The following MMP16 variants were observed in gnomAD, a reference collection of about 807,000 sequenced individuals.
MMP16 encodes the protein matrix metallopeptidase 16, also known as matrix metalloproteinase-16.
A neutral mutation model predicts 67.8 loss-of-function variants in MMP16; 12 were observed. The ratio of observed to expected loss-of-function variants is 0.18; its 90% CI spans 0.11 to 0.29. The LOEUF (loss-of-function observed/expected upper bound fraction) is 0.29. Ranked by LOEUF, MMP16 falls within the 10% of genes least tolerant of loss-of-function variation. MMP16 has a pLI of 1.00. For synonymous variants in MMP16, 249 were observed against 255.9 expected (o/e 0.97, Z 0.26); for missense variants, 475 against 765.7 (o/e 0.62, Z 4.48).
rs896282801 is a variant in MMP16, at chr8:88,129,805, A to G, written c.710-10944T>C. Among the ~76,000 whole-genome samples the G allele has an allele frequency of 5.9e-5, 9 of 151,718 alleles. No homozygotes were observed. In the South Asian group the frequency reaches 1.7e-3, roughly 28 times the overall value. Reference sequence around the variant, plus strand: ...GTATTTTTTAGAGTAGGTTTCACATATATGTATAAAAATTCATAGACAAAC... The same window carrying G: ...GTATTTTTTAGAGTAGGTTTCACATGTATGTATAAAAATTCATAGACAAAC... On this transcript the variant is annotated intron_variant, in intron 4 of 9. Transcript: ENST00000286614.
intron 4 of MMP16, among the ~76,000 whole-genome samples, chr8:88,157,318 A>G (rs1023908880): frequency 6.6e-6 from 1 of 152,076 alleles, no homozygotes; most frequent in African/African-American, 2.4e-5. Flanking sequence ...TAAGTAGGCT[A>G]AAGATGACTT....
At chr8:88,224,134 A>T (rs1441519480) in intron 1 of MMP16, among the ~76,000 whole-genome samples, 3 of 152,082 alleles carry the variant, frequency 2.0e-5, no homozygotes, top group Non-Finnish European at 4.4e-5. Flanking sequence ...CATATAAAAC[A>T]GTTTCAAAAT....
chr8:88,105,786 A>T (rs2118394181), intron 6 of MMP16, among the ~76,000 whole-genome samples: 1 of 151,586 alleles, frequency 6.6e-6, no homozygotes, highest in Middle Eastern at 3.4e-3. Context: ...AAAGACACAG[A>T]TGCATCATTA....
rs1808109107 is a variant in MMP16 at position 88,039,968 on chromosome 8, A to G, written c.*1493T>C. On this transcript the variant is annotated 3_prime_UTR_variant, in exon 10 of 10. Transcript: ENST00000286614. This position sits in a 1 kb window ranked among gnomAD's most constrained non-coding sequence, Gnocchi z 4.5. The stretch of plus-strand genomic sequence containing the variant: ...CGGCTAAATGCCAGAAGCCACACTA[A>G]CCCTTTGAGAACTATGGTGGACATG... The G allele has an allele frequency of 6.6e-6, 1 of 152,592 alleles. No individual in the cohort carries two copies. The highest frequency in any genetic ancestry group is 2.4e-5 in the African/African-American group (1 of 41,430). The allele number at this position is 152,592 out of a possible 1,614,324, so 9.5% of individuals were successfully genotyped here. A position where few individuals can be genotyped will look rare whatever the true frequency, so the allele number is the denominator to read the frequency against.
intron 1 of MMP16, among the ~76,000 whole-genome samples, chr8:88,239,339 A>C (rs936007041): frequency 6.6e-6 from 1 of 151,846 alleles, no homozygotes; most frequent in East Asian, 1.9e-4. Context: ...CAATTAAAAC[A>C]GTGTTTTCAC....
At chr8:88,163,877 C>T (rs891370345) in intron 4 of MMP16, among the ~76,000 whole-genome samples, 3 of 151,904 alleles carry the variant, frequency 2.0e-5, no homozygotes, top group Non-Finnish European at 4.4e-5. Flanking sequence ...AACTGTTTTG[C>T]TGATTCATTC....
intron 6 of MMP16, among the ~76,000 whole-genome samples, chr8:88,103,768 A>T (rs1230298280): frequency 1.3e-5 from 2 of 151,866 alleles, no homozygotes; most frequent in African/African-American, 4.8e-5. Context: ...GTCACTCTGC[A>T]TGATTTTAAA....
intron 1 of MMP16, among the ~76,000 whole-genome samples, chr8:88,308,847 C>G (rs574349385): frequency 6.6e-6 from 1 of 151,936 alleles, no homozygotes; most frequent in South Asian, 2.1e-4. Context: ...TTAATATATA[C>G]AGAGCTCATA....
chr8:88,064,882 C>T (rs775774963), intron 7 of MMP16, among the ~76,000 whole-genome samples: 8 of 152,030 alleles, frequency 5.3e-5, no homozygotes, highest in Non-Finnish European at 1.0e-4. Flanking sequence ...ATTTTGAATG[C>T]TTGTGCAAGT....
Position 88,324,173 on chromosome 8 carries a change from T to G in MMP16, c.132+2902A>C, listed in dbSNP as rs115098457. 3.1e-3 allele frequency among the ~76,000 whole-genome samples: 478 copies of G among 152,274 alleles called. 4 individuals are homozygous for G. The highest frequency in any genetic ancestry group is 0.011 in the African/African-American group (452 of 41,564). ...CTCCTGGTAGTGTCTGACCCTTTCT[T>G]AGCTGTAAGAGATGTTCCTTTTTGC... On this transcript the variant is annotated intron_variant, in intron 1 of 9. Transcript: ENST00000286614.
At chr8:88,319,688 C>G (rs193215768) in intron 1 of MMP16, among the ~76,000 whole-genome samples, 25 of 152,248 alleles carry the variant, frequency 1.6e-4, no homozygotes, top group Admixed American at 1.0e-3. Flanking sequence ...ATTCCATTGA[C>G]ATCACATCAG....
chr8:88,325,267 A>C (rs1384905298), intron 1 of MMP16, among the ~76,000 whole-genome samples: 1 of 152,190 alleles, frequency 6.6e-6, no homozygotes, highest in Non-Finnish European at 1.5e-5. Context: ...AATATAAAGA[A>C]ATACAATCTT....
intron 8 of MMP16, among the ~76,000 whole-genome samples, chr8:88,048,960 C>A (rs1157396622): frequency 6.6e-6 from 1 of 152,174 alleles, no homozygotes; most frequent in African/African-American, 2.4e-5. Flanking sequence ...TCCTAGAAAC[C>A]TCACTTGAGT....
intron 3 of MMP16, among the ~76,000 whole-genome samples, chr8:88,173,163 T>A (rs1207570737): frequency 6.6e-6 from 1 of 152,142 alleles, no homozygotes; most frequent in Non-Finnish European, 1.5e-5. Context: ...GTAATCTTCC[T>A]GCCTCAGCCT....
At chr8:88,149,438 C>A (rs1484228435) in intron 4 of MMP16, among the ~76,000 whole-genome samples, 1 of 152,178 alleles carries the variant, frequency 6.6e-6, no homozygotes, top group Non-Finnish European at 1.5e-5. Flanking sequence ...ACAGCAGTAA[C>A]CTCTGCAGAC....
chr8:88,098,929 G>A (rs896482496), intron 6 of MMP16, among the ~76,000 whole-genome samples: 1 of 151,636 alleles, frequency 6.6e-6, no homozygotes, highest in African/African-American at 2.4e-5. Context: ...TACATATGTA[G>A]ATTTTTTTAC....
chr8:88,073,478 T>C (rs1031041806), intron 7 of MMP16, among the ~76,000 whole-genome samples: 29 of 152,084 alleles, frequency 1.9e-4, no homozygotes, highest in African/African-American at 6.8e-4. Context: ...GAGAATTGAG[T>C]AGCTTGTTCA....
chr8:88,213,484 T>C (rs189392603), intron 1 of MMP16, among the ~76,000 whole-genome samples: 1 of 152,262 alleles, frequency 6.6e-6, no homozygotes, highest in East Asian at 1.9e-4. Flanking sequence ...GAAAATAAGG[T>C]AACGCCAATG....
intron 1 of MMP16, among the ~76,000 whole-genome samples, chr8:88,252,934 T>A (rs1226898815): frequency 6.6e-6 from 1 of 152,234 alleles, no homozygotes; most frequent in African/African-American, 2.4e-5. Flanking sequence ...AAATGAATAG[T>A]AGATTTGATC....
Sources: allele counts gnomAD v4.1 joint callset (sites outside exome capture counted in the v4.1 genomes callset), GRCh38; gene constraint gnomAD v4.1.1; non-coding constraint Gnocchi (gnomAD v3.1); transcripts MANE v1.5; gene names NCBI Gene and HGNC (gene_info 2026-07-23, HGNC 2026-07-21).